The following ADAMTSL1 variants were observed in gnomAD, a reference collection of about 807,000 sequenced individuals.
ADAMTSL1 encodes ADAMTS-like protein 1.
A neutral mutation model predicts 201.8 loss-of-function variants in ADAMTSL1; 126 were observed. The ratio of observed to expected loss-of-function variants is 0.62; its 90% CI spans 0.54 to 0.72. The LOEUF (loss-of-function observed/expected upper bound fraction) is 0.72, where lower values mean the gene tolerates loss of function less well. ADAMTSL1 is among the 30% of genes least tolerant of loss of function. ADAMTSL1 has a pLI of 0.00. For missense variants in ADAMTSL1, 2,679 were observed against 2,277.8 expected (o/e 1.18, Z -3.59); for synonymous variants, 1,121 against 903.4 (o/e 1.24, Z -4.32).
intron 2 of ADAMTSL1, among the ~76,000 whole-genome samples, chr9:18,279,905 C>T (rs920278196): frequency 6.6e-6 from 1 of 151,042 alleles, no homozygotes; most frequent in Non-Finnish European, 1.5e-5. Context: ...CTGGGGTGGG[C>T]CTGGAGGTGG....
chr9:18,418,651 T>A (rs1443630487), intron 2 of ADAMTSL1, among the ~76,000 whole-genome samples: 8 of 152,178 alleles, frequency 5.3e-5, no homozygotes, highest in Non-Finnish European at 1.0e-4. Flanking sequence ...GTATGGGATC[T>A]GCATGCCAAA....
At chr9:18,113,652 G>A (rs1324093477) in intron 1 of ADAMTSL1, among the ~76,000 whole-genome samples, 1 of 152,128 alleles carries the variant, frequency 6.6e-6, no homozygotes, top group Non-Finnish European at 1.5e-5. Context: ...TTCAGCACGT[G>A]AGTGATTTTG....
At chr9:18,623,330 G>A (rs1038107768) in intron 5 of ADAMTSL1, among the ~76,000 whole-genome samples, 1 of 152,044 alleles carries the variant, frequency 6.6e-6, no homozygotes, top group South Asian at 2.1e-4. Flanking sequence ...ACAACCTCAT[G>A]AGCAAAGTAC....
intron 1 of ADAMTSL1, among the ~76,000 whole-genome samples, chr9:17,926,429 G>T (rs781326879): frequency 1.3e-5 from 2 of 152,026 alleles, no homozygotes; most frequent in Non-Finnish European, 2.9e-5. Context: ...CGTCAGGAAC[G>T]CTTGGCTCAC....
chr9:18,338,181 T>A (rs1835326318), intron 2 of ADAMTSL1, among the ~76,000 whole-genome samples: 2 of 152,128 alleles, frequency 1.3e-5, no homozygotes, highest in Non-Finnish European at 2.9e-5. Flanking sequence ...AGTGAACTGT[T>A]TTTTAAATGA....
intron 4 of ADAMTSL1, among the ~76,000 whole-genome samples, chr9:18,613,326 CA>C (rs1369572768): frequency 9.2e-5 from 14 of 152,130 alleles, no homozygotes; most frequent in African/African-American, 3.4e-4. Context: ...GACCTAAAGA[CA>C]GAAATACTAT....
At chr9:18,855,153 A>C (rs534704984) in intron 23 of ADAMTSL1, among the ~76,000 whole-genome samples, 1 of 152,222 alleles carries the variant, frequency 6.6e-6, no homozygotes, top group Non-Finnish European at 1.5e-5. Context: ...ACACGAGGCT[A>C]ACAGCTTGGA....
intron 1 of ADAMTSL1, among the ~76,000 whole-genome samples, chr9:17,999,547 A>G (rs1027162049): frequency 6.6e-6 from 1 of 152,044 alleles, no homozygotes; most frequent in Non-Finnish European, 1.5e-5. Flanking sequence ...CAAGCTGTCC[A>G]ATAATCCTCA....
intron 1 of ADAMTSL1, among the ~76,000 whole-genome samples, chr9:17,998,924 T>C (rs1186211616): frequency 1.3e-5 from 2 of 152,088 alleles, no homozygotes; most frequent in African/African-American, 4.8e-5. Flanking sequence ...CTGCTGTGCA[T>C]CAAGTCAATG....
At chr9:18,840,509 C>T (rs200961850) in intron 23 of ADAMTSL1, among the ~76,000 whole-genome samples, 15 of 151,976 alleles carry the variant, frequency 9.9e-5, no homozygotes, top group East Asian at 7.7e-4. Context: ...GGGTTGACTT[C>T]GCGATGTGGG....
intron 2 of ADAMTSL1, among the ~76,000 whole-genome samples, chr9:18,248,061 G>T (rs1446677205): frequency 6.6e-6 from 1 of 152,012 alleles, no homozygotes; most frequent in Non-Finnish European, 1.5e-5. Flanking sequence ...GTACTGGCTG[G>T]GTGTATTTTA....
chr9:18,352,111 C>A (rs991883917), intron 2 of ADAMTSL1, among the ~76,000 whole-genome samples: 2 of 151,892 alleles, frequency 1.3e-5, no homozygotes, highest in Non-Finnish European at 2.9e-5. Flanking sequence ...TAGATGTATT[C>A]TTTGTTCTTA....
intron 2 of ADAMTSL1, among the ~76,000 whole-genome samples, chr9:18,252,750 C>T (rs765610539): frequency 5.9e-5 from 9 of 151,992 alleles, no homozygotes; most frequent in Non-Finnish European, 1.0e-4. Context: ...ATTATCTATT[C>T]CTGGTAAGAA....
rs1831280965 is a variant in ADAMTSL1, at chr9:18,247,093, A to C, written c.207+83112A>C. ...TAGATTTAGATTCTCAAAGAGATAC[A>C]TGACAAAAGGGTTAAGAACAGTCAC... On this transcript the variant is annotated intron_variant, in intron 2 of 29. Transcript: ENST00000680146. Among the ~76,000 whole-genome samples, 6 of 152,286 alleles carry C rather than the reference A, an allele frequency of 3.9e-5. No homozygotes were observed. The South Asian group carries it at 1.2e-3, about 32-fold the overall frequency.
rs1818792854 is a variant in ADAMTSL1 at position 17,983,222 on chromosome 9, C to T, written c.87+76300C>T. 2.0e-5 allele frequency among the ~76,000 whole-genome samples: 3 copies of T among 151,980 alleles called. No individual in the cohort carries two copies. In the South Asian group the frequency reaches 6.2e-4, roughly 32 times the overall value. Reference sequence around the variant, plus strand: ...AGCAGCTGGGACTACAGGTGGGCACCACCATGCCCAGCTAATTTTTGTATT... The same window carrying T: ...AGCAGCTGGGACTACAGGTGGGCACTACCATGCCCAGCTAATTTTTGTATT... On this transcript the variant is annotated intron_variant, in intron 1 of 29. Coordinates refer to the ADAMTSL1 transcript ENST00000680146.
chr9:18,237,923 G>A (rs146473862), intron 2 of ADAMTSL1, among the ~76,000 whole-genome samples: 216 of 152,298 alleles, frequency 1.4e-3, no homozygotes, highest in South Asian at 1.7e-3. Flanking sequence ...TGAACGTTTC[G>A]TGGACTAAGC....
intron 1 of ADAMTSL1, among the ~76,000 whole-genome samples, chr9:18,140,214 A>G (rs2132001117): frequency 6.6e-6 from 1 of 152,270 alleles, no homozygotes; most frequent in East Asian, 1.9e-4. Context: ...AAGCCATTGA[A>G]GTGGGAAAAC....
chr9:18,770,871 C>G (rs763078005), intron 17 of ADAMTSL1, 90 bp downstream of exon 17: 2 of 1,298,402 alleles, frequency 1.5e-6, no homozygotes, highest in Non-Finnish European at 2.1e-6. Flanking sequence ...AAGAAGAGAA[C>G]AAAACAATCT....
intron 15 of ADAMTSL1, among the ~76,000 whole-genome samples, chr9:18,737,708 G>A (rs533469758): frequency 1.4e-4 from 22 of 152,338 alleles, no homozygotes; most frequent in Non-Finnish European, 3.1e-4. Flanking sequence ...ATGTAATTCA[G>A]TTAAATTCTC....
Sources: gnomAD v4.1 joint callset for allele counts (sites outside exome capture counted in the v4.1 genomes callset) on GRCh38, gnomAD v4.1.1 for gene constraint, MANE v1.5 for transcripts, NCBI Gene and HGNC (gene_info 2026-07-23, HGNC 2026-07-21) for gene names.